CDC25B: variants seen among roughly 807,000 people sequenced by gnomAD.
CDC25B encodes the protein cell division cycle 25B.
In CDC25B, 33 loss-of-function variants were observed where a neutral mutation model predicts 69.8. The observed-to-expected ratio is 0.47, with a 90% CI of 0.36 to 0.63. The LOEUF (loss-of-function observed/expected upper bound fraction) is 0.63. Among genes scored for constraint, CDC25B ranks in the 30% least tolerant of loss-of-function variants. The pLI is 0.00. For synonymous variants in CDC25B, 341 were observed against 314.6 expected (o/e 1.08, Z -0.89); for missense variants, 727 against 809.1 (o/e 0.90, Z 1.23).
In CDC25B at chr20:3,802,064, G is replaced by A. The variant is rs759374671; in HGVS notation, c.1062G>A (p.Val354=). The change falls in exon 10 of 16, where the codon GTG becomes GTA. Residue 354 remains valine, a synonymous_variant. Coordinates refer to ENST00000245960, the MANE Select transcript of CDC25B (RefSeq NM_021873.4). ...TPVQNKRRRS[V]TPPEEQQEAE... ...TGCAGAATAAGCGGAGGCGGAGCGT[G>A]ACCCCTCCTGAGGAGCAGCAGGAGG... 6 of 1,561,676 alleles carry A rather than the reference G, an allele frequency of 3.8e-6. No homozygotes were observed. In the African/African-American group the frequency reaches 8.2e-5, roughly 21 times the overall value.
chr20:3,804,141 C>T (rs1461320410), intron 14 of CDC25B, among the ~76,000 whole-genome samples: 1 of 152,238 alleles, frequency 6.6e-6, no homozygotes, highest in Non-Finnish European at 1.5e-5. Context: ...ATGGCACCCA[C>T]CTCCACCTGG....
In CDC25B at chr20:3,805,219, G is replaced by GT. The variant is rs1372315028; in HGVS notation, c.*259dup. On this transcript the variant is annotated 3_prime_UTR_variant, in exon 16 of 16. Transcript: ENST00000245960. The stretch of plus-strand genomic sequence containing the variant: ...TTGGGTTAATACCAGCTTAAAGGCA[G>GT]TATTTTGTGTCCTCCAGGAGCTTCT... 1.9e-6 allele frequency: 1 copy of GT among 516,748 alleles called. No homozygotes were observed. Among genetic ancestry groups the GT allele is most frequent in the Non-Finnish European group, 3.5e-6 (1 of 287,454 alleles). The allele number at this position is 516,748 out of a possible 1,614,324, so 32.0% of individuals were successfully genotyped here.
rs371577332 is a variant in CDC25B, at chr20:3,798,431, C to A, written c.348C>A (p.Pro116=). Residue 116 remains proline, a synonymous_variant, in exon 3 of 16, where the codon CCC becomes CCA. Transcript: ENST00000245960. ...CCTCAGGTCTCTGCATGGATTCCCC[C>A]AGCCCTATGGACCCCCACATGGCGG... ...SSDAGLCMDS[P]SPMDPHMAEQ... 2.5e-6 allele frequency: 4 copies of A among 1,598,562 alleles called. No individual in the cohort carries two copies. Among genetic ancestry groups the A allele is most frequent in the Non-Finnish European group, 3.4e-6 (4 of 1,172,272 alleles).
At chr20:3,793,664 A>T (rs1318433715), upstream of CDC25B, among the ~76,000 whole-genome samples, 1 of 149,248 alleles carries the variant, frequency 6.7e-6, no homozygotes, top group African/African-American at 2.5e-5. Context: ...TTAGTTACAT[A>T]TGTATACATG....
exon 1 of CDC25B, chr20:3,787,044 T>A (rs2088837483): frequency 6.6e-6 from 4 of 607,740 alleles, no homozygotes; most frequent in African/African-American, 3.9e-5. Flanking sequence ...TTTTTTTTTT[T>A]AATTAAGGTA....
At chr20:3,796,155 C>T, upstream of CDC25B, 2 of 1,126,324 alleles carry the variant, frequency 1.8e-6, no homozygotes, top group Non-Finnish European at 1.1e-6. Flanking sequence ...TCCGGCCCAC[C>T]CAAAGCCTGG....
chr20:3,797,878 T>C, intron 2 of CDC25B, 129 bp downstream of exon 2: 1 of 1,084,512 alleles, frequency 9.2e-7, no homozygotes, highest in Admixed American at 2.1e-5. Context: ...CAGGAGCCTC[T>C]CCCCCACCCT....
chr20:3,789,434 G>GATCT (rs2088876567), intron 1 of CDC25B, among the ~76,000 whole-genome samples: 1 of 152,034 alleles, frequency 6.6e-6, no homozygotes, highest in Non-Finnish European at 1.5e-5. Flanking sequence ...GCAGTGGCGT[G>GATCT]ATCTCAGCTC....
At chr20:3,789,607 G>C (rs915926498) in intron 1 of CDC25B, among the ~76,000 whole-genome samples, 3 of 152,102 alleles carry the variant, frequency 2.0e-5, no homozygotes, top group African/African-American at 7.2e-5. Context: ...CTGACCTCAA[G>C]TGATCTGCCT....
intron 1 of CDC25B, among the ~76,000 whole-genome samples, chr20:3,790,251 G>C (rs1277777795): frequency 1.3e-5 from 2 of 150,968 alleles, no homozygotes; most frequent in African/African-American, 2.4e-5. Context: ...CTGGGTGACA[G>C]AGTGAGACTC....
chr20:3,801,313 C>T lies in CDC25B; in HGVS notation c.765C>T (p.Arg255=). 3 of 1,614,184 alleles carry T rather than the reference C, an allele frequency of 1.9e-6. No individual in the cohort carries two copies. Among genetic ancestry groups the T allele is most frequent in the Non-Finnish European group, 2.5e-6 (3 of 1,180,030 alleles). The change falls in exon 8 of 16, where the codon CGC becomes CGT. Residue 255 remains arginine (R), a synonymous_variant. Transcript: ENST00000245960. ...VEELSPLALG[R]FSLTPAEGDT... The stretch of plus-strand genomic sequence containing the variant: ...AGCTCAGCCCCCTGGCCCTAGGTCG[C>T]TTCTCTCTGACCCCTGCAGAGGGGG...
At chr20:3,795,060 A>T (rs2146659390), upstream of CDC25B, among the ~76,000 whole-genome samples, 1 of 152,276 alleles carries the variant, frequency 6.6e-6, no homozygotes, top group African/African-American at 2.4e-5. Flanking sequence ...GCTGGAAGGC[A>T]TTTAGATAAT....
At chr20:3,795,844 T>G, upstream of CDC25B, 2 of 984,256 alleles carry the variant, frequency 2.0e-6, no homozygotes, top group Non-Finnish European at 2.4e-6. Context: ...CGCGTGACCT[T>G]GATTGAGTTA....
rs1325347261 is a variant in CDC25B at position 3,805,820 on chromosome 20, G to A, written c.*859G>A. 7 of 405,614 alleles carry A rather than the reference G, an allele frequency of 1.7e-5. No individual in the cohort carries two copies. The highest frequency in any genetic ancestry group is 3.1e-5 in the Non-Finnish European group (7 of 228,042). The allele number at this position is 405,614 out of a possible 1,614,324, so 25.1% of individuals were successfully genotyped here. ...GGATGGAAGGTTGGATGGATGGGTG[G>A]ATGGCCGTGGATGGCCGTGGATGCG... is the stretch of plus-strand genomic sequence containing the variant. On this transcript the variant is annotated 3_prime_UTR_variant, in exon 16 of 16. Transcript: ENST00000245960.
rs1568514013 is a variant in CDC25B, at chr20:3,804,864, C to A, written c.1646C>A (p.Ala549Asp). Residue 549 changes from alanine (A) to aspartate (D), a missense_variant, in exon 16 of 16, where the codon GCC (alanine) becomes GAC (aspartate). By Grantham distance (126) the Ala-to-Asp change is moderately radical. Coordinates refer to ENST00000245960, the MANE Select transcript of CDC25B (RefSeq NM_021873.4). ...GACTACCGGCCCATGAACCACGAGG[C>A]CTTCAAGGATGAGCTAAAGACCTTC... ...PQDYRPMNHE[A>D]FKDELKTFRL... 3.1e-6 allele frequency: 5 copies of A among 1,614,038 alleles called. No individual in the cohort carries two copies. Among genetic ancestry groups the A allele is most frequent in the Admixed American group, 1.7e-5 (1 of 60,012 alleles).
Position 3,798,393 on chromosome 20 carries a change from A to G in CDC25B, c.329-19A>G. The stretch of plus-strand genomic sequence containing the variant: ...AGAAAGTGCCACTACTTTCAAACCA[A>G]GGTGCTCTGTCCCCTCAGGTCTCTG... On this transcript the variant is annotated intron_variant, in intron 2 of 15. Coordinates refer to ENST00000245960, the MANE Select transcript of CDC25B (RefSeq NM_021873.4). 6.9e-7 allele frequency: 1 copy of G among 1,459,698 alleles called. No homozygotes were observed. Among genetic ancestry groups the G allele is most frequent in the Non-Finnish European group, 9.1e-7 (1 of 1,098,470 alleles). The allele number at this position is 1,459,698 out of a possible 1,614,324, so 90.4% of individuals were successfully genotyped here.
chr20:3,800,160 C>G lies in CDC25B; in HGVS notation c.381-128C>G, dbSNP rs2089220982. ...ATGGTGGGCGTTCTTCCCACCCCAC[C>G]CCTTCCACTGCCTTGAGCCTTGGCC... On this transcript the variant is annotated intron_variant, in intron 3 of 15. Transcript: ENST00000245960. 4.0e-6 allele frequency: 3 copies of G among 756,444 alleles called. No homozygotes were observed. In the African/African-American group the frequency reaches 5.3e-5, roughly 13 times the overall value. The allele number at this position is 756,444 out of a possible 1,614,324, so 46.9% of individuals were successfully genotyped here. A position where few individuals can be genotyped will look rare whatever the true frequency, so the allele number is the denominator to read the frequency against.
Position 3,801,025 on chromosome 20 carries a change from G to A in CDC25B, c.637G>A (p.Ala213Thr), listed in dbSNP as rs540104946. Residue 213 changes from alanine (A) to threonine (T), a missense_variant, in exon 7 of 16, where the codon GCT (alanine) becomes ACT (threonine). Ala to Thr is a moderately conservative substitution (Grantham distance 58). Around this residue, in one of 2 missense-constraint regions of CDC25B, gnomAD observed 368 missense variants for 345.6 expected, o/e 1.06. Coordinates refer to ENST00000245960, the MANE Select transcript of CDC25B (RefSeq NM_021873.4). Reference protein sequence around the residue: ...WKPTHPSSTHALAEWASRREA... With the variant: ...WKPTHPSSTHTLAEWASRREA... The stretch of plus-strand genomic sequence containing the variant: ...GCCCACACATCCCAGCTCCACCCAT[G>A]CTCTGGCAGAGTGGGCCAGCCGCAG... 32 of 1,614,022 alleles carry A rather than the reference G, an allele frequency of 2.0e-5. No individual in the cohort carries two copies. The highest frequency in any genetic ancestry group is 2.5e-5 in the Non-Finnish European group (30 of 1,179,892).
At chr20:3,791,952 C>T (rs2088921700), upstream of CDC25B, among the ~76,000 whole-genome samples, 2 of 152,310 alleles carry the variant, frequency 1.3e-5, no homozygotes, top group South Asian at 2.1e-4. Flanking sequence ...CTCACTTTGT[C>T]ACCCAGGCTG....
Sources: allele counts gnomAD v4.1 joint callset (sites outside exome capture counted in the v4.1 genomes callset), GRCh38; gene constraint gnomAD v4.1.1; regional missense constraint gnomAD v4.1.1; transcripts MANE v1.5; gene names NCBI Gene and HGNC (gene_info 2026-07-23, HGNC 2026-07-21).